The following KTN1 variants were observed in gnomAD, a reference collection of about 807,000 sequenced individuals.
KTN1 encodes kinectin.
A neutral mutation model predicts 222.5 loss-of-function variants in KTN1; 130 were observed. The observed-to-expected ratio is 0.58, with a 90% CI of 0.51 to 0.68. The LOEUF is 0.68. Among genes scored for constraint, KTN1 ranks in the 30% least tolerant of loss-of-function variants. The pLI is 0.00. For missense variants in KTN1, 1,508 were observed against 1,500.4 expected, an observed-to-expected ratio of 1.01 and a Z score of -0.08; for synonymous variants, 512 against 496.3, an observed-to-expected ratio of 1.03 and a Z score of -0.42.
chr14:55,646,469 CCTTT>C (rs2042330788), intron 18 of KTN1, among the ~76,000 whole-genome samples: 1 of 30,164 alleles, frequency 3.3e-5, no homozygotes. Context: ...CTTTTCCTTT[CCTTT>C]CCTTTCCTTT....
chr14:55,646,519 C>G (rs571559501), intron 18 of KTN1, among the ~76,000 whole-genome samples: 13 of 120,830 alleles, frequency 1.1e-4, no homozygotes, highest in African/African-American at 3.8e-4. Flanking sequence ...CCTTTCCTTT[C>G]CTTTCCTTTC....
intron 6 of KTN1, among the ~76,000 whole-genome samples, chr14:55,629,417 C>CAAAAAAAA (rs58348373): frequency 4.1e-5 from 2 of 49,142 alleles, no homozygotes; most frequent in Non-Finnish European, 8.4e-5. Context: ...GACTCCGTCT[C>CAAAAAAAA]AAAAAAAAAA....
At chr14:55,603,308 A>C (rs2036247830) in intron 1 of KTN1, among the ~76,000 whole-genome samples, 1 of 152,158 alleles carries the variant, frequency 6.6e-6, no homozygotes, top group Admixed American at 6.5e-5. Flanking sequence ...AGTTGTCCAC[A>C]CTTGCTAGAG....
chr14:55,651,459 G>C, intron 24 of KTN1: 1 of 437,734 alleles, frequency 2.3e-6, no homozygotes, highest in South Asian at 1.6e-5. Flanking sequence ...TGAAAACTGG[G>C]ATGGAGAAGA....
At chr14:55,587,901 A>G (rs2033352899) in intron 1 of KTN1, among the ~76,000 whole-genome samples, 1 of 152,116 alleles carries the variant, frequency 6.6e-6, no homozygotes, top group Non-Finnish European at 1.5e-5. Context: ...AAGTGGCTTA[A>G]TTCTTTCACT....
At chr14:55,645,988 A>G (rs1272006663) in intron 18 of KTN1, among the ~76,000 whole-genome samples, 1 of 152,206 alleles carries the variant, frequency 6.6e-6, no homozygotes, top group Non-Finnish European at 1.5e-5. Context: ...GGTGCACAGA[A>G]GAGAATGTTC....
intron 32 of KTN1, among the ~76,000 whole-genome samples, chr14:55,662,371 G>A (rs1023371853): frequency 3.9e-5 from 6 of 152,084 alleles, no homozygotes; most frequent in African/African-American, 1.4e-4. Context: ...CACCTGGCCA[G>A]AACCTCCCAT....
At chr14:55,642,310 T>A (rs1055949608) in intron 18 of KTN1, among the ~76,000 whole-genome samples, 2 of 152,154 alleles carry the variant, frequency 1.3e-5, no homozygotes, top group Non-Finnish European at 2.9e-5. Flanking sequence ...TTCTTTTCCC[T>A]TAGAGTATTT....
intron 19 of KTN1, among the ~76,000 whole-genome samples, chr14:55,647,621 G>A (rs1321182569): frequency 1.1e-5 from 1 of 90,602 alleles, no homozygotes; most frequent in African/African-American, 4.5e-5. Flanking sequence ...CGACAAGAGT[G>A]AAACTCTGCC....
intron 1 of KTN1, among the ~76,000 whole-genome samples, chr14:55,610,715 A>G (rs1163592312): frequency 7.8e-6 from 1 of 128,966 alleles, no homozygotes; most frequent in African/African-American, 2.8e-5. Context: ...TTTGAGATGA[A>G]TAAGAATACA....
intron 5 of KTN1, among the ~76,000 whole-genome samples, chr14:55,623,425 G>T (rs1332223645): frequency 6.6e-6 from 1 of 152,164 alleles, no homozygotes; most frequent in African/African-American, 2.4e-5. Flanking sequence ...TGTCACCCAG[G>T]CTGGAGTGCT....
At position 55,596,801 on chromosome 14, in the gene KTN1, C is replaced by CTT. The variant is rs553227535; in HGVS notation, c.-30-15206_-30-15205dup. Among the ~76,000 whole-genome samples the CTT allele has an allele frequency of 2.6e-3, 371 of 141,040 alleles. 3 individuals are homozygous for CTT. Among genetic ancestry groups the CTT allele is most frequent in the African/African-American group, 9.2e-3 (353 of 38,272 alleles). The allele number at this position is 141,040 out of a possible 152,430, so 92.5% of individuals were successfully genotyped here. On this transcript the variant is annotated intron_variant, in intron 1 of 43. Coordinates refer to ENST00000395314, the MANE Select transcript of KTN1 (RefSeq NM_001079521.2). ...GCGAGTGATGTCAAAAGAATAGAAC[C>CTT]TTTTTTTTTTTTTGACAAAGTTTTT...
At chr14:55,613,310 T>G (rs996950307) in intron 2 of KTN1, among the ~76,000 whole-genome samples, 2 of 151,696 alleles carry the variant, frequency 1.3e-5, no homozygotes, top group African/African-American at 4.8e-5. Flanking sequence ...ACTAGTTAGG[T>G]TTTTTGGGTG....
chr14:55,660,500 A>G (rs897582493), intron 31 of KTN1, among the ~76,000 whole-genome samples: 5 of 151,384 alleles, frequency 3.3e-5, no homozygotes, highest in African/African-American at 1.2e-4. Flanking sequence ...TCAACATGTT[A>G]AAATGTCAAC....
chr14:55,591,159 A>G (rs182739896), intron 1 of KTN1, among the ~76,000 whole-genome samples: 32 of 151,292 alleles, frequency 2.1e-4, no homozygotes, highest in Admixed American at 4.0e-4. Flanking sequence ...TCTCTAGGAT[A>G]GTGTTTTTTT....
At chr14:55,581,367 T>C (rs2031568473) in intron 1 of KTN1, among the ~76,000 whole-genome samples, 1 of 152,262 alleles carries the variant, frequency 6.6e-6, no homozygotes, top group Non-Finnish European at 1.5e-5. Context: ...TTCAGAACTG[T>C]GTTGGCAAAC....
intron 37 of KTN1, chr14:55,672,195 T>C (rs1045387339): frequency 5.7e-5 from 14 of 246,762 alleles, no homozygotes; most frequent in East Asian, 3.6e-4. Flanking sequence ...ACCCATAATA[T>C]AGAATTCAAG....
chr14:55,589,039 A>G (rs897955455), intron 1 of KTN1, among the ~76,000 whole-genome samples: 4 of 152,202 alleles, frequency 2.6e-5, no homozygotes, highest in Non-Finnish European at 5.9e-5. Flanking sequence ...AAGGTCAGTT[A>G]TACATTCAAG....
At chr14:55,684,001 C>A in intron 43 of KTN1, 98 bp from the exon 44 acceptor site, 3 of 1,002,772 alleles carry the variant, frequency 3.0e-6, no homozygotes, top group South Asian at 3.2e-5. Flanking sequence ...CATGCTAGAT[C>A]AAATGGAATA....
Sources: allele counts gnomAD v4.1 joint callset (sites outside exome capture counted in the v4.1 genomes callset), GRCh38; gene constraint gnomAD v4.1.1; transcripts MANE v1.5; gene names NCBI Gene and HGNC (gene_info 2026-07-23, HGNC 2026-07-21).